NFIC: variants seen among roughly 807,000 people sequenced by gnomAD.
The protein encoded by NFIC is nuclear factor 1 C-type.
Under a neutral mutation model 54.4 loss-of-function variants are expected in NFIC, and 12 were observed. The observed-to-expected ratio is 0.22, with a 90% CI of 0.14 to 0.36. The LOEUF (loss-of-function observed/expected upper bound fraction) is 0.36. Ranked by LOEUF, NFIC falls within the 10% of genes least tolerant of loss-of-function variation. The pLI is 1.00. For synonymous variants in NFIC, 322 were observed against 319.2 expected (o/e 1.01, Z -0.09); for missense variants, 575 against 718.2 (o/e 0.80, Z 2.28).
At chr19:3,360,312 A>C (rs111334206) in intron 1 of NFIC, among the ~76,000 whole-genome samples, 23,232 of 146,168 alleles carry the variant, frequency 0.16, 2,377 homozygotes, top group Non-Finnish European at 0.23. Context: ...CTGCCCTCGC[A>C]CCGCCCCCGC....
intron 2 of NFIC, among the ~76,000 whole-genome samples, chr19:3,412,192 C>T (rs1263186441): frequency 6.6e-6 from 1 of 152,184 alleles, no homozygotes; most frequent in African/African-American, 2.4e-5. Flanking sequence ...AGACGATCCA[C>T]CCACCTCAGC....
chr19:3,366,372 TAGAG>T (rs1300352158), upstream of NFIC, among the ~76,000 whole-genome samples: 1 of 135,018 alleles, frequency 7.4e-6, no homozygotes, highest in Non-Finnish European at 1.6e-5. Flanking sequence ...TGTCAGAGGG[TAGAG>T]AGAGAGACAG....
chr19:3,402,341 C>T (rs1005430047), intron 2 of NFIC, among the ~76,000 whole-genome samples: 2 of 152,244 alleles, frequency 1.3e-5, no homozygotes, highest in East Asian at 1.9e-4. Context: ...GGAGCCACTG[C>T]GCCCAGACGG....
In NFIC at chr19:3,455,458, CAG is replaced by C. The variant is rs149753766; in HGVS notation, c.1424-1091_1424-1090del. ...TGCAGGATACTGCGTAGGATCCACT[CAG>C]GGCTCGGTGGGATTATGCCCAGAGC... is the stretch of plus-strand genomic sequence containing the variant. On this transcript the variant is annotated intron_variant, in intron 9 of 10. Coordinates refer to ENST00000443272, the MANE Select transcript of NFIC (RefSeq NM_001245002.2). Among the ~76,000 whole-genome samples the C allele has an allele frequency of 5.8e-3, 868 of 150,838 alleles. 2 individuals are homozygous for C. Among genetic ancestry groups the C allele is most frequent in the Non-Finnish European group, 9.4e-3 (639 of 67,686 alleles).
intron 10 of NFIC, among the ~76,000 whole-genome samples, chr19:3,457,708 C>T (rs1270228761): frequency 6.6e-6 from 1 of 152,162 alleles, no homozygotes; most frequent in Non-Finnish European, 1.5e-5. Flanking sequence ...CTTCCAGCCA[C>T]TGAGGGAGGT....
intron 2 of NFIC, among the ~76,000 whole-genome samples, chr19:3,383,018 G>T (rs1263274347): frequency 6.6e-6 from 1 of 152,030 alleles, no homozygotes; most frequent in Non-Finnish European, 1.5e-5. Flanking sequence ...GAGGGAGGAG[G>T]CAGGAAGGCC....
chr19:3,381,924 C>T lies in NFIC; in HGVS notation c.243C>T (p.Arg81=). ...KWASRLLAKL[R]KDIRPECRED... The stretch of plus-strand genomic sequence containing the variant: ...CGTCGCGGCTGCTGGCCAAGCTGCG[C>T]AAGGACATCCGGCCCGAGTGCCGCG... The change falls in exon 2 of 11, where the codon CGC becomes CGT. Residue 81 remains arginine (R), a synonymous_variant. Transcript: ENST00000443272. The T allele has an allele frequency of 1.2e-6, 2 of 1,613,648 alleles. No individual in the cohort carries two copies. Among genetic ancestry groups the T allele is most frequent in the Non-Finnish European group, 8.5e-7 (1 of 1,179,936 alleles).
chr19:3,455,479 C>T (rs931805837), intron 9 of NFIC, among the ~76,000 whole-genome samples: 1 of 150,190 alleles, frequency 6.7e-6, no homozygotes, highest in African/African-American at 2.5e-5. Context: ...GGGATTATGC[C>T]CAGAGCCTGG....
In NFIC at chr19:3,449,081, C is replaced by G. The variant is rs1198794487; in HGVS notation, c.1026C>G (p.Asp342Glu). The change falls in exon 7 of 11, where the codon GAC (aspartate) becomes GAG (glutamate). Residue 342 changes from aspartate (D) to glutamate (E), a missense_variant. By Grantham distance (45) the Asp-to-Glu change is conservative. Around this residue, in one of 3 missense-constraint regions of NFIC, gnomAD observed 447 missense variants for 526.9 expected, o/e 0.85. Transcript: ENST00000443272. ...CATTCAACAGCCCGTCCCCCCAGGA[C>G]TCTCCCCGCCTCTCCAGCTTCACCC... ...KSPFNSPSPQ[D>E]SPRLSSFTQH... 6.2e-7 allele frequency: 1 copy of G among 1,612,620 alleles called. No individual in the cohort carries two copies. Among genetic ancestry groups the G allele is most frequent in the African/African-American group, 1.3e-5 (1 of 74,880 alleles).
intron 1 of NFIC, among the ~76,000 whole-genome samples, chr19:3,360,857 G>C (rs1355597353): frequency 6.6e-6 from 1 of 152,210 alleles, no homozygotes; most frequent in Non-Finnish European, 1.5e-5. Context: ...GGGGTCGCCA[G>C]GGAGTGGAGA....
intron 2 of NFIC, among the ~76,000 whole-genome samples, chr19:3,396,554 G>A (rs2081467635): frequency 6.6e-6 from 1 of 151,844 alleles, no homozygotes; most frequent in Non-Finnish European, 1.5e-5. Context: ...CTGGATCCCA[G>A]CCTGTCTACC....
chr19:3,368,371 A>T (rs2080934727), intron 1 of NFIC, among the ~76,000 whole-genome samples: 1 of 152,120 alleles, frequency 6.6e-6, no homozygotes. Flanking sequence ...ACCCCAGTCC[A>T]GGCTTTGCCT....
intron 2 of NFIC, among the ~76,000 whole-genome samples, chr19:3,393,838 G>C (rs998068313): frequency 9.9e-4 from 124 of 124,632 alleles, no homozygotes; most frequent in African/African-American, 3.6e-3. Flanking sequence ...AAAAAAAAAA[G>C]AGTTCCAACC....
At chr19:3,377,320 C>CGA (rs1348291967) in intron 1 of NFIC, among the ~76,000 whole-genome samples, 2 of 106,684 alleles carry the variant, frequency 1.9e-5, no homozygotes, top group Non-Finnish European at 3.4e-5. Context: ...GGTGACAGAG[C>CGA]GAGACTCTGT....
chr19:3,402,277 G>A (rs2081570600), intron 2 of NFIC, among the ~76,000 whole-genome samples: 2 of 152,126 alleles, frequency 1.3e-5, no homozygotes, highest in Non-Finnish European at 2.9e-5. Context: ...TCGAATGCCT[G>A]ACCTCAGGTG....
chr19:3,456,520 AC>A, intron 9 of NFIC, 29 bp from the exon 10 acceptor site: 2 of 1,549,232 alleles, frequency 1.3e-6, no homozygotes, highest in Non-Finnish European at 1.7e-6. Context: ...CCCCTCGCTA[AC>A]GGGCTCTCGG....
At chr19:3,365,519 G>T (rs1004640910), upstream of NFIC, among the ~76,000 whole-genome samples, 1 of 152,160 alleles carries the variant, frequency 6.6e-6, no homozygotes, top group African/African-American at 2.4e-5. Context: ...TGCCCTGGGG[G>T]CTCAGACGGA....
chr19:3,430,259 T>A (rs992695544), intron 3 of NFIC, among the ~76,000 whole-genome samples: 1 of 151,478 alleles, frequency 6.6e-6, no homozygotes, highest in Non-Finnish European at 1.5e-5. Context: ...TTTTTTTTTT[T>A]ACCCCCAGGC....
intron 2 of NFIC, among the ~76,000 whole-genome samples, chr19:3,402,569 T>A (rs1231686849): frequency 6.6e-6 from 1 of 152,152 alleles, no homozygotes; most frequent in Admixed American, 6.6e-5. Flanking sequence ...ACTGGGGAGA[T>A]GAGCAAACAC....
Sources: gnomAD v4.1 joint callset for allele counts (sites outside exome capture counted in the v4.1 genomes callset) on GRCh38, gnomAD v4.1.1 for gene constraint, gnomAD v4.1.1 regional missense constraint, MANE v1.5 for transcripts, NCBI Gene and HGNC (gene_info 2026-07-23, HGNC 2026-07-21) for gene names.